FAT3: variants seen among roughly 807,000 people sequenced by gnomAD.
FAT3 encodes FAT atypical cadherin 3.
Under a neutral mutation model 310.2 loss-of-function variants are expected in FAT3, and 95 were observed. The ratio of observed to expected loss-of-function variants is 0.31; its 90% confidence interval spans 0.26 to 0.36. The LOEUF (loss-of-function observed/expected upper bound fraction) is 0.36, where lower values mean the gene tolerates loss of function less well. Ranked by LOEUF, FAT3 falls within the 10% of genes least tolerant of loss-of-function variation. The probability of loss-of-function intolerance (pLI) is 1.00; values close to 1 mark genes in which losing one functional copy is unlikely to be tolerated. For missense variants in FAT3, 5,408 were observed against 5,715.6 expected (o/e 0.95, Z 1.74); for synonymous variants, 2,314 against 2,192.9 (o/e 1.06, Z -1.54).
intron 6 of FAT3, among the ~76,000 whole-genome samples, chr11:92,772,362 GT>G (rs1209705882): frequency 3.3e-5 from 5 of 151,810 alleles, no homozygotes; most frequent in East Asian, 1.9e-4. Flanking sequence ...AAATGATCAT[GT>G]TTTTTTTCTC....
intron 4 of FAT3, among the ~76,000 whole-genome samples, chr11:92,717,764 G>A (rs1265796579): frequency 6.6e-6 from 1 of 152,072 alleles, no homozygotes; most frequent in Admixed American, 6.6e-5. Flanking sequence ...TGGTCAATGT[G>A]ATGGGGACAA....
At chr11:92,314,863 A>G (rs960024081) in intron 1 of FAT3, among the ~76,000 whole-genome samples, 4 of 152,200 alleles carry the variant, frequency 2.6e-5, no homozygotes, top group Admixed American at 2.0e-4. Flanking sequence ...AAGTAGAACC[A>G]TTTGAAACCT....
At chr11:92,597,927 G>C (rs1939796309) in intron 3 of FAT3, among the ~76,000 whole-genome samples, 3 of 152,226 alleles carry the variant, frequency 2.0e-5, no homozygotes, top group East Asian at 3.9e-4. Context: ...TTTCTTTGAA[G>C]CTTATGGTTG....
At chr11:92,229,571 A>C (rs1551606) in intron 1 of FAT3, among the ~76,000 whole-genome samples, 2 of 139,516 alleles carry the variant, frequency 1.4e-5, no homozygotes, top group African/African-American at 5.4e-5. Context: ...TTCAGGAAAG[A>C]CTGCCTTTCC....
At chr11:92,657,506 G>C (rs901924064) in intron 3 of FAT3, among the ~76,000 whole-genome samples, 4 of 152,210 alleles carry the variant, frequency 2.6e-5, no homozygotes, top group Admixed American at 6.5e-5. Flanking sequence ...GTAAAGTACA[G>C]ATGAGTGCCT....
At chr11:92,827,780 A>G (rs1948138589) in intron 13 of FAT3, among the ~76,000 whole-genome samples, 2 of 152,196 alleles carry the variant, frequency 1.3e-5, no homozygotes, top group African/African-American at 4.8e-5. Flanking sequence ...CCCACTCCAC[A>G]AATTGCCACT....
chr11:92,832,555 C>G (rs982685033), intron 14 of FAT3, among the ~76,000 whole-genome samples: 6 of 152,012 alleles, frequency 3.9e-5, no homozygotes, highest in Non-Finnish European at 8.8e-5. Context: ...GCTTACTTAG[C>G]AAATATCTGA....
intron 3 of FAT3, among the ~76,000 whole-genome samples, chr11:92,608,024 A>C (rs942904557): frequency 2.0e-5 from 3 of 152,106 alleles, no homozygotes; most frequent in African/African-American, 7.2e-5. Context: ...TTAAAATGAA[A>C]TACTACAAAT....
At chr11:92,415,849 CTTTTTT>C (rs1196695394) in intron 2 of FAT3, among the ~76,000 whole-genome samples, 80 of 70,404 alleles carry the variant, frequency 1.1e-3, no homozygotes, top group African/African-American at 3.7e-3. Flanking sequence ...AGCATTTTTG[CTTTTTT>C]TTTTTTTTTT....
At chr11:92,511,374 T>C (rs1222414588) in intron 2 of FAT3, among the ~76,000 whole-genome samples, 1 of 152,042 alleles carries the variant, frequency 6.6e-6, no homozygotes, top group Non-Finnish European at 1.5e-5. Context: ...TGGTTGACTC[T>C]TCTTTTTTTT....
intron 1 of FAT3, among the ~76,000 whole-genome samples, chr11:92,237,414 C>G (rs1051866210): frequency 1.3e-5 from 2 of 152,104 alleles, no homozygotes; most frequent in Admixed American, 1.3e-4. Context: ...CTTGGTGACT[C>G]TCCTTTGTTT....
chr11:92,440,200 A>G (rs916478996), intron 2 of FAT3, among the ~76,000 whole-genome samples: 1 of 152,112 alleles, frequency 6.6e-6, no homozygotes, highest in African/African-American at 2.4e-5. Flanking sequence ...TTGCAGAGGC[A>G]AGGATTGGGT....
At chr11:92,442,058 GC>G (rs1462875814) in intron 2 of FAT3, among the ~76,000 whole-genome samples, 3 of 134,518 alleles carry the variant, frequency 2.2e-5, no homozygotes, top group African/African-American at 8.9e-5. Flanking sequence ...CTTTTTAAGT[GC>G]AAAACTTAAG....
intron 4 of FAT3, among the ~76,000 whole-genome samples, chr11:92,736,191 T>C (rs1210390851): frequency 2.6e-5 from 4 of 152,148 alleles, no homozygotes; most frequent in Non-Finnish European, 5.9e-5. Flanking sequence ...AACCAAACTG[T>C]TGTGCTGACC....
At chr11:92,442,111 A>ATATATTTTTTTTTT (rs1453396603) in intron 2 of FAT3, among the ~76,000 whole-genome samples, 4 of 45,216 alleles carry the variant, frequency 8.8e-5, no homozygotes, top group African/African-American at 7.3e-4. Context: ...ATATATATAT[A>ATATATTTTTTTTTT]TTTTTTTTTT....
intron 1 of FAT3, among the ~76,000 whole-genome samples, chr11:92,242,217 T>C (rs1864693050): frequency 1.3e-5 from 2 of 152,190 alleles, no homozygotes; most frequent in South Asian, 4.1e-4. Flanking sequence ...AAACACAAAA[T>C]TCTTTAAAGA....
intron 4 of FAT3, among the ~76,000 whole-genome samples, chr11:92,699,963 G>A (rs576506499): frequency 1.3e-5 from 2 of 152,186 alleles, no homozygotes; most frequent in South Asian, 2.1e-4. Context: ...CCACTGAAAT[G>A]CAGAAGGAGC....
In FAT3 at chr11:92,866,656, C is replaced by A. The variant is rs185152048; in HGVS notation, c.11659-85C>A. Reference sequence around the variant, plus strand: ...TCCACATTCCAGCTTTCTTGTGAAGCCCCCGGGCCGGCCAGGAGCAGGGTG... The same window carrying A: ...TCCACATTCCAGCTTTCTTGTGAAGACCCCGGGCCGGCCAGGAGCAGGGTG... On this transcript the variant is annotated intron_variant, in intron 21 of 27. Transcript: ENST00000525166. 3.2e-6 allele frequency: 4 copies of A among 1,233,252 alleles called. No individual in the cohort carries two copies. The African/African-American group carries it at 4.5e-5, about 14-fold the overall frequency. The allele number at this position is 1,233,252 out of a possible 1,614,324, so 76.4% of individuals were successfully genotyped here. A position where few individuals can be genotyped will look rare whatever the true frequency, so the allele number is the denominator to read the frequency against.
chr11:92,546,282 G>C (rs1173900178), intron 3 of FAT3, among the ~76,000 whole-genome samples: 1 of 152,158 alleles, frequency 6.6e-6, no homozygotes, highest in Non-Finnish European at 1.5e-5. Context: ...GGATTTTTCT[G>C]TCATTGTAAT....
Sources: gnomAD v4.1 joint callset for allele counts (sites outside exome capture counted in the v4.1 genomes callset) on GRCh38, gnomAD v4.1.1 for gene constraint, MANE v1.5 for transcripts, NCBI Gene and HGNC (gene_info 2026-07-23, HGNC 2026-07-21) for gene names.